AHI1: variants seen among roughly 807,000 people sequenced by gnomAD.
AHI1 encodes jouberin.
A neutral mutation model predicts 149.3 loss-of-function variants in AHI1; 123 were observed. The observed-to-expected ratio is 0.82, with a 90% CI of 0.71 to 0.96. AHI1 has a LOEUF of 0.96. Ranked by LOEUF, AHI1 falls within the 40% of genes least tolerant of loss-of-function variation. The pLI is 0.00. For missense variants in AHI1, 1,439 were observed against 1,422.7 expected, an observed-to-expected ratio of 1.01 and a Z score of -0.18; for synonymous variants, 475 against 459.8, an observed-to-expected ratio of 1.03 and a Z score of -0.42.
At chr6:135,392,476 T>G (rs1778646662) in intron 23 of AHI1, among the ~76,000 whole-genome samples, 1 of 152,220 alleles carries the variant, frequency 6.6e-6, no homozygotes, top group Non-Finnish European at 1.5e-5. Flanking sequence ...TCTCCTAGCA[T>G]GAGCGCTAAT....
rs863225138 is a variant in AHI1, at chr6:135,465,901, G to C, written c.662C>G (p.Ser221Ter). 5.7e-6 allele frequency: 9 copies of C among 1,588,256 alleles called. No homozygotes were observed. The highest frequency in any genetic ancestry group is 7.7e-6 in the Non-Finnish European group (9 of 1,168,952). The change falls in exon 7 of 29, where the codon TCA (serine) becomes TGA (stop). Residue 221 changes from serine to a stop codon, truncating the protein, a stop_gained. Coordinates refer to ENST00000265602, the MANE Select transcript of AHI1 (RefSeq NM_001134831.2). LOFTEE classifies it high-confidence loss of function. ...KLKEQLTYFPSDTLFHDDKLS... is the reference protein window; with the variant it reads ...KLKEQLTYFP ...TTTGTCATCATGGAATAAAGTATCTGAGGGAAAGTAAGTCAACTGTTCTTT... is the reference window on the plus strand; with the variant it reads ...TTTGTCATCATGGAATAAAGTATCTCAGGGAAAGTAAGTCAACTGTTCTTT...
At chr6:135,361,292 T>C (rs1793823352) in intron 23 of AHI1, among the ~76,000 whole-genome samples, 1 of 152,186 alleles carries the variant, frequency 6.6e-6, no homozygotes, top group Non-Finnish European at 1.5e-5. Context: ...AACACCACAA[T>C]ATATTGTCAG....
intron 22 of AHI1, among the ~76,000 whole-genome samples, chr6:135,402,976 T>C (rs2128495632): frequency 6.6e-6 from 1 of 152,296 alleles, no homozygotes; most frequent in Admixed American, 6.5e-5. Flanking sequence ...TGTTCACTGA[T>C]ATATGTTACA....
At chr6:135,300,925 C>T in intron 26 of AHI1, 17 of 997,358 alleles carry the variant, frequency 1.7e-5, no homozygotes, top group Non-Finnish European at 2.0e-5. Context: ...ATCTTTCCTT[C>T]ATATTCTTTA....
intron 7 of AHI1, among the ~76,000 whole-genome samples, chr6:135,465,613 A>C (rs1398298510): frequency 6.6e-6 from 1 of 152,208 alleles, no homozygotes; most frequent in Non-Finnish European, 1.5e-5. Flanking sequence ...AGATTGTCAT[A>C]AGAAATAAAT....
At chr6:135,417,754 A>G (rs1482805391) in intron 20 of AHI1, among the ~76,000 whole-genome samples, 2 of 152,024 alleles carry the variant, frequency 1.3e-5, no homozygotes, top group Non-Finnish European at 2.9e-5. Context: ...GAAGGCAGCC[A>G]CAAAAAAATC....
intron 23 of AHI1, among the ~76,000 whole-genome samples, chr6:135,363,874 C>A (rs867533567): frequency 2.1e-5 from 3 of 146,198 alleles, no homozygotes; most frequent in Non-Finnish European, 3.0e-5. Context: ...CCGGACGGGG[C>A]GGCTGGCCGG....
At chr6:135,427,103 C>A in intron 20 of AHI1, 64 bp downstream of exon 20, 2 of 1,487,812 alleles carry the variant, frequency 1.3e-6, no homozygotes, top group Non-Finnish European at 9.2e-7. Flanking sequence ...CAGACAGATT[C>A]CTGGTTTAGT....
At position 135,442,611 on chromosome 6, in the gene AHI1, C is replaced by T; in HGVS notation, c.1883G>A (p.Cys628Tyr). ...SHNGRILAAA[C>Y]ASRDGYPIIL... is the part of the protein sequence containing the mutation. ...AATTGGATATCCATCCCGGCTGGCA[C>T]AAGCTGCTGCTAATATTCTTCCATT... Residue 628 changes from cysteine (C) to tyrosine (Y), a missense_variant, in exon 14 of 29, where the codon TGT becomes TAT. Physicochemically the swap from Cys to Tyr is radical, Grantham distance 194. Coordinates refer to ENST00000265602, the MANE Select transcript of AHI1 (RefSeq NM_001134831.2). The T allele has an allele frequency of 6.2e-7, 1 of 1,609,438 alleles. No homozygotes were observed. Among genetic ancestry groups the T allele is most frequent in the Non-Finnish European group, 8.5e-7 (1 of 1,177,610 alleles).
At chr6:135,477,693 G>A (rs1047935772) in intron 5 of AHI1, among the ~76,000 whole-genome samples, 1 of 152,092 alleles carries the variant, frequency 6.6e-6, no homozygotes, top group African/African-American at 2.4e-5. Context: ...CTCTGGCCAT[G>A]TGAAGTCCAT....
intron 23 of AHI1, among the ~76,000 whole-genome samples, chr6:135,360,912 A>T (rs1793762005): frequency 6.6e-6 from 1 of 152,200 alleles, no homozygotes; most frequent in Admixed American, 6.5e-5. Context: ...GTCCAGTCTA[A>T]CAATCTCTGC....
chr6:135,466,271 T>C lies in AHI1; in HGVS notation c.292A>G (p.Lys98Glu), dbSNP rs1157502623. Residue 98 changes from lysine to glutamate, a missense_variant, in exon 7 of 29, where the codon AAA becomes GAA. By Grantham distance (56) the Lys-to-Glu change is moderately conservative (BLOSUM62 1). Coordinates refer to ENST00000265602, the MANE Select transcript of AHI1 (RefSeq NM_001134831.2). ...NNLKKSTRVT[K>E]NKLRNTQLAT... The stretch of plus-strand genomic sequence containing the variant: ...AACTGTGTGTTCCTCAATTTGTTTT[T>C]AGTGACTCTCGTGCTCTTCTTCAGG... The C allele has an allele frequency of 1.2e-6, 2 of 1,613,872 alleles. No homozygotes were observed. Among genetic ancestry groups the C allele is most frequent in the African/African-American group, 1.3e-5 (1 of 74,930 alleles).
intron 21 of AHI1, among the ~76,000 whole-genome samples, chr6:135,406,610 T>C (rs1479314150): frequency 1.3e-5 from 2 of 152,262 alleles, no homozygotes; most frequent in Non-Finnish European, 1.5e-5. Context: ...CATTAATCAA[T>C]ATATACGGTG....
chr6:135,458,517 C>T (rs760718077), intron 8 of AHI1, among the ~76,000 whole-genome samples: 6 of 152,186 alleles, frequency 3.9e-5, no homozygotes, highest in Admixed American at 3.3e-4. Flanking sequence ...GGGACCAAAA[C>T]AAAATAGGCA....
chr6:135,294,184 G>A (rs1466882188), intron 27 of AHI1, among the ~76,000 whole-genome samples: 1 of 151,968 alleles, frequency 6.6e-6, no homozygotes, highest in Non-Finnish European at 1.5e-5. Context: ...AAATTAGCTG[G>A]GTGTGGTGGT....
In AHI1 at chr6:135,457,490, T is replaced by A. The variant is rs772760515; in HGVS notation, c.1151+4A>T. 2.5e-6 allele frequency: 4 copies of A among 1,600,390 alleles called. No homozygotes were observed. In the East Asian group the frequency reaches 9.0e-5, roughly 36 times the overall value. The stretch of plus-strand genomic sequence containing the variant: ...GAATTAGTTGTGCAATTAAAAAAAA[T>A]TACCTATCATCTTTCTTGACATATT... On this transcript the variant is annotated splice_donor_region_variant and intron_variant, in intron 9 of 28. Transcript: ENST00000265602.
At chr6:135,340,652 TACATAC>T (rs1353785092) in intron 24 of AHI1, among the ~76,000 whole-genome samples, 71 of 53,172 alleles carry the variant, frequency 1.3e-3, no homozygotes, top group East Asian at 0.011. Flanking sequence ...TATATATACA[TACATAC>T]ATATATATAT....
chr6:135,481,872 C>G (rs751839720), intron 5 of AHI1, among the ~76,000 whole-genome samples: 5 of 149,700 alleles, frequency 3.3e-5, no homozygotes, highest in Non-Finnish European at 7.4e-5. Context: ...TTTAGGTTGA[C>G]AATTTTTTTT....
chr6:135,358,274 A>G (rs775116024), intron 23 of AHI1, 87 bp from the exon 24 acceptor site: 57 of 1,157,074 alleles, frequency 4.9e-5, no homozygotes, highest in Non-Finnish European at 6.8e-5. Context: ...TTGGAAAAAC[A>G]TTTATTATGA....
Sources: gnomAD v4.1 joint callset for allele counts (sites outside exome capture counted in the v4.1 genomes callset) on GRCh38, gnomAD v4.1.1 for gene constraint, MANE v1.5 for transcripts, NCBI Gene and HGNC (gene_info 2026-07-23, HGNC 2026-07-21) for gene names.